BNC2: variants seen among roughly 807,000 people sequenced by gnomAD.
BNC2 encodes the protein basonuclin zinc finger protein 2.
In BNC2, 20 loss-of-function variants were observed where a neutral mutation model predicts 76.3. That is an observed-to-expected ratio of 0.26 (90% CI 0.18 to 0.38). The LOEUF is 0.38. BNC2 is among the 10% of genes least tolerant of loss of function. The pLI is 1.00. For synonymous variants in BNC2, 582 were observed against 514.8 expected, an observed-to-expected ratio of 1.13 and a Z score of -1.77; for missense variants, 1,382 against 1,399.8, an observed-to-expected ratio of 0.99 and a Z score of 0.20.
intron 1 of BNC2, among the ~76,000 whole-genome samples, chr9:16,829,231 G>A (rs1013247710): frequency 6.6e-6 from 1 of 152,222 alleles, no homozygotes; most frequent in East Asian, 1.9e-4. Flanking sequence ...TAGAAGAGAG[G>A]AGCGGGCTCA....
At chr9:16,656,264 C>A (rs1587279654) in intron 3 of BNC2, among the ~76,000 whole-genome samples, 1 of 152,156 alleles carries the variant, frequency 6.6e-6, no homozygotes, top group East Asian at 1.9e-4. Flanking sequence ...AAAGGGAGAA[C>A]TCTACTCACC....
intron 5 of BNC2, among the ~76,000 whole-genome samples, chr9:16,499,092 A>C (rs1211321703): frequency 6.6e-6 from 1 of 152,220 alleles, no homozygotes; most frequent in African/African-American, 2.4e-5. Flanking sequence ...CCCATTTTAA[A>C]ATATGGACGC....
At chr9:16,738,145 C>A (rs1824733208) in intron 2 of BNC2, among the ~76,000 whole-genome samples, 1 of 152,066 alleles carries the variant, frequency 6.6e-6, no homozygotes, top group African/African-American at 2.4e-5. Context: ...CAAAATCATT[C>A]AAATAACCAT....
chr9:16,747,255 C>T (rs2135233412), intron 1 of BNC2, among the ~76,000 whole-genome samples: 1 of 152,172 alleles, frequency 6.6e-6, no homozygotes, highest in African/African-American at 2.4e-5. Flanking sequence ...TTCAAGAAAA[C>T]CAAGCCAGAC....
intron 5 of BNC2, among the ~76,000 whole-genome samples, chr9:16,506,754 T>TTTTG (rs951989513): frequency 6.8e-5 from 10 of 146,660 alleles, no homozygotes; most frequent in East Asian, 2.0e-4. Flanking sequence ...GTTTGGTTTT[T>TTTTG]TTTGTTTGTT....
At chr9:16,794,980 T>C (rs1168260891) in intron 1 of BNC2, among the ~76,000 whole-genome samples, 1 of 152,026 alleles carries the variant, frequency 6.6e-6, no homozygotes, top group African/African-American at 2.4e-5. Flanking sequence ...ATACAAATAC[T>C]CTCTCCTCCT....
In BNC2 at chr9:16,435,918, G is replaced by A; in HGVS notation, c.2276C>T (p.Pro759Leu). 6.2e-7 allele frequency: 1 copy of A among 1,613,940 alleles called. No homozygotes were observed. The highest frequency in any genetic ancestry group is 8.5e-7 in the Non-Finnish European group (1 of 1,179,998). Residue 759 changes from proline to leucine, a missense_variant, in exon 6 of 7, where the codon CCT becomes CTT. This residue lies in a region of BNC2 where 798 missense variants were observed against 775.5 expected (regional missense o/e 1.03). Coordinates refer to ENST00000380672, the MANE Select transcript of BNC2 (RefSeq NM_017637.6). ...SEKVLMNSERPDENHSEPSHQ... is the reference protein window; with the variant it reads ...SEKVLMNSERLDENHSEPSHQ... ...AGAGGGCTCACTGTGGTTCTCATCA[G>A]GCCTCTCACTATTCATCAGGACTTT...
chr9:16,514,615 G>A (rs1483483976), intron 5 of BNC2, among the ~76,000 whole-genome samples: 1 of 152,152 alleles, frequency 6.6e-6, no homozygotes, highest in African/African-American at 2.4e-5. Flanking sequence ...TCTTTCAGAT[G>A]TTTACAGTTG....
chr9:16,841,516 C>T (rs1818825370), intron 1 of BNC2, among the ~76,000 whole-genome samples: 1 of 126,906 alleles, frequency 7.9e-6, no homozygotes, highest in Non-Finnish European at 1.6e-5. Context: ...ATAATCAAAC[C>T]ATCATATCAT....
intron 5 of BNC2, among the ~76,000 whole-genome samples, chr9:16,472,393 A>T (rs1256631014): frequency 2.6e-5 from 4 of 152,186 alleles, no homozygotes. Flanking sequence ...GAATGATGGA[A>T]ATTAGGAAAA....
intron 5 of BNC2, among the ~76,000 whole-genome samples, chr9:16,514,084 T>C (rs1822821980): frequency 6.6e-6 from 1 of 152,148 alleles, no homozygotes. Context: ...GATGTCACAG[T>C]TTTCCAGTGG....
At chr9:16,785,767 A>G (rs971821353) in intron 1 of BNC2, among the ~76,000 whole-genome samples, 1 of 150,336 alleles carries the variant, frequency 6.7e-6, no homozygotes, top group Non-Finnish European at 1.5e-5. Flanking sequence ...AGCTTGCACC[A>G]TTGCACTCCA....
At chr9:16,636,987 A>T (rs1391684612) in intron 3 of BNC2, among the ~76,000 whole-genome samples, 1 of 151,938 alleles carries the variant, frequency 6.6e-6, no homozygotes, top group Non-Finnish European at 1.5e-5. Flanking sequence ...GCTAATGGGA[A>T]AAACAAGCTA....
intron 5 of BNC2, among the ~76,000 whole-genome samples, chr9:16,518,781 G>A (rs139302511): frequency 0.021 from 3,238 of 151,970 alleles, 139 homozygotes; most frequent in African/African-American, 0.073. Context: ...TTGTATTTTT[G>A]GTAGGGACAG....
At chr9:16,660,180 C>T (rs759903939) in intron 3 of BNC2, among the ~76,000 whole-genome samples, 19 of 152,128 alleles carry the variant, frequency 1.2e-4, no homozygotes, top group Non-Finnish European at 1.8e-4. Context: ...TGGGGCCGGG[C>T]GCGGTGGCTC....
chr9:16,594,081 A>T (rs564384658), intron 3 of BNC2, among the ~76,000 whole-genome samples: 1 of 152,308 alleles, frequency 6.6e-6, no homozygotes, highest in East Asian at 1.9e-4. Flanking sequence ...TAGAGAAGAC[A>T]TTAATAAGGA....
intron 1 of BNC2, among the ~76,000 whole-genome samples, chr9:16,763,826 C>T (rs1382469188): frequency 6.6e-6 from 1 of 152,122 alleles, no homozygotes; most frequent in Non-Finnish European, 1.5e-5. Flanking sequence ...AGTACCATGT[C>T]ACAAAGGGTG....
chr9:16,801,289 C>A (rs1368320719), intron 1 of BNC2, among the ~76,000 whole-genome samples: 1 of 152,142 alleles, frequency 6.6e-6, no homozygotes, highest in East Asian at 1.9e-4. Flanking sequence ...CTCTGTCACC[C>A]AGGCTGGAGT....
At chr9:16,448,870 GTTCCTA>G (rs1259783772) in intron 5 of BNC2, among the ~76,000 whole-genome samples, 5 of 152,092 alleles carry the variant, frequency 3.3e-5, no homozygotes, top group Admixed American at 3.3e-4. Flanking sequence ...GATTAAATGT[GTTCCTA>G]TAAAAGGCAC....
Sources: allele counts gnomAD v4.1 joint callset (sites outside exome capture counted in the v4.1 genomes callset), GRCh38; gene constraint gnomAD v4.1.1; regional missense constraint gnomAD v4.1.1; transcripts MANE v1.5; gene names NCBI Gene and HGNC (gene_info 2026-07-23, HGNC 2026-07-21).